Variants in MGAT4C observed in about 807,000 individuals in gnomAD.
MGAT4C encodes the protein MGAT4 family member C.
MGAT4C carries 19 observed loss-of-function variants against 40.1 expected under a neutral mutation model. The observed-to-expected ratio is 0.47, with a 90% CI of 0.33 to 0.70. The LOEUF is 0.70. Ranked by LOEUF, MGAT4C falls within the 30% of genes least tolerant of loss-of-function variation. The pLI is 0.02. For missense variants in MGAT4C, 491 were observed against 563.2 expected (o/e 0.87, Z 1.30); for synonymous variants, 181 against 187.1 (o/e 0.97, Z 0.27).
chr12:86,596,652 T>C (rs924326433), intron 2 of MGAT4C, among the ~76,000 whole-genome samples: 3 of 152,194 alleles, frequency 2.0e-5, no homozygotes, highest in African/African-American at 7.2e-5. Context: ...GAATGTTTAA[T>C]TGGCTGTAAG....
At chr12:86,825,410 A>T (rs1952786575) in intron 1 of MGAT4C, among the ~76,000 whole-genome samples, 1 of 151,348 alleles carries the variant, frequency 6.6e-6, no homozygotes, top group Non-Finnish European at 1.5e-5. Context: ...ATGTGCAGAG[A>T]TATAGACAAT....
At chr12:86,643,866 A>G (rs1963460540) in intron 2 of MGAT4C, among the ~76,000 whole-genome samples, 1 of 151,708 alleles carries the variant, frequency 6.6e-6, no homozygotes, top group South Asian at 2.1e-4. Flanking sequence ...TGATTATTGT[A>G]AAACTTTTAT....
rs113550910 is a variant in MGAT4C at position 86,808,697 on chromosome 12, T to C, written c.-262+29969A>G. Among the ~76,000 whole-genome samples the C allele has an allele frequency of 1.6e-3, 249 of 152,126 alleles. 1 individual carries two copies. Among genetic ancestry groups the C allele is most frequent in the African/African-American group, 5.9e-3 (243 of 41,532 alleles). On this transcript the variant is annotated intron_variant, in intron 1 of 7. Transcript: ENST00000548651. Reference sequence around the variant, plus strand: ...ACTGAATAGGCAAAAACTGGAAGCATTCCTCCTGAAAACTAGCAATAGACA... The same window carrying C: ...ACTGAATAGGCAAAAACTGGAAGCACTCCTCCTGAAAACTAGCAATAGACA...
chr12:86,486,692 A>T (rs922951954), intron 2 of MGAT4C, among the ~76,000 whole-genome samples: 2 of 152,326 alleles, frequency 1.3e-5, no homozygotes, highest in Non-Finnish European at 2.9e-5. Flanking sequence ...TAACAAAAAA[A>T]TTCTGGACTT....
rs1950490079 is a variant in MGAT4C, at chr12:86,707,876, G to A, written c.-229+19333C>T. Among the ~76,000 whole-genome samples, 4 of 152,236 alleles carry A rather than the reference G, an allele frequency of 2.6e-5. 1 individual carries two copies. In the South Asian group the frequency reaches 6.2e-4, roughly 24 times the overall value. ...CAGCAAAACATTCAAGATGTGACTT[G>A]GGTGCTGATAAATGCTTTCAGTTTT... is the stretch of plus-strand genomic sequence containing the variant. On this transcript the variant is annotated intron_variant, in intron 2 of 7. Transcript: ENST00000548651.
intron 1 of MGAT4C, among the ~76,000 whole-genome samples, chr12:86,228,354 A>T (rs1951179960): frequency 1.3e-5 from 2 of 152,064 alleles, no homozygotes; most frequent in African/African-American, 2.4e-5. Context: ...TCTATAGATA[A>T]TTTTAATTCA....
At chr12:86,376,953 ACTTTATT>A (rs1265939702) in intron 3 of MGAT4C, among the ~76,000 whole-genome samples, 1 of 151,548 alleles carries the variant, frequency 6.6e-6, no homozygotes, top group Non-Finnish European at 1.5e-5. Flanking sequence ...GAATTAATGT[ACTTTATT>A]CTTCTCTTCA....
At chr12:86,729,192 T>C (rs1405837750) in intron 1 of MGAT4C, among the ~76,000 whole-genome samples, 2 of 152,144 alleles carry the variant, frequency 1.3e-5, no homozygotes, top group Non-Finnish European at 2.9e-5. Context: ...TAATTGTACA[T>C]TTAAAATAAG....
At chr12:86,108,777 G>C (rs766288418) in intron 1 of MGAT4C, among the ~76,000 whole-genome samples, 49 of 152,240 alleles carry the variant, frequency 3.2e-4, no homozygotes, top group Non-Finnish European at 6.5e-4. Flanking sequence ...CCACCATCAT[G>C]AATATTTATA....
intron 2 of MGAT4C, among the ~76,000 whole-genome samples, chr12:86,446,469 GT>G (rs1957335649): frequency 1.3e-5 from 2 of 151,244 alleles, no homozygotes; most frequent in African/African-American, 4.8e-5. Flanking sequence ...GCAACCAGCT[GT>G]TTTTGTGATT....
chr12:86,808,621 A>G (rs1184768693), intron 1 of MGAT4C, among the ~76,000 whole-genome samples: 1 of 152,008 alleles, frequency 6.6e-6, no homozygotes, highest in Non-Finnish European at 1.5e-5. Context: ...GTATTTAAGA[A>G]ACATACCTCA....
intron 1 of MGAT4C, among the ~76,000 whole-genome samples, chr12:86,781,483 A>T (rs1387738320): frequency 1.3e-5 from 2 of 152,224 alleles, no homozygotes; most frequent in Non-Finnish European, 2.9e-5. Flanking sequence ...TTTTAACTAC[A>T]TTATGGTAAT....
At chr12:86,086,375 C>T (rs536801599) in intron 1 of MGAT4C, among the ~76,000 whole-genome samples, 105 of 151,722 alleles carry the variant, frequency 6.9e-4, no homozygotes, top group South Asian at 2.7e-3. Flanking sequence ...CATCACACAC[C>T]GGGGCCTTTT....
At chr12:86,408,843 G>A (rs78100520) in intron 3 of MGAT4C, among the ~76,000 whole-genome samples, 475 of 151,894 alleles carry the variant, frequency 3.1e-3, no homozygotes, top group African/African-American at 0.011. Flanking sequence ...CTATTCCCTT[G>A]TTCATTTTTA....
intron 3 of MGAT4C, among the ~76,000 whole-genome samples, chr12:86,429,675 G>A (rs1956995884): frequency 6.6e-6 from 1 of 151,892 alleles, no homozygotes; most frequent in Non-Finnish European, 1.5e-5. Context: ...TTCATATATG[G>A]TGTGTTTCTT....
In MGAT4C at chr12:86,560,050, G is replaced by C. The variant is rs1959792699; in HGVS notation, c.-228-124785C>G. Among the ~76,000 whole-genome samples the C allele has an allele frequency of 1.3e-5, 2 of 151,796 alleles. 1 individual carries two copies. Among genetic ancestry groups the C allele is most frequent in the Non-Finnish European group, 2.9e-5 (2 of 67,888 alleles). On this transcript the variant is annotated intron_variant, in intron 2 of 7. Coordinates refer to the MGAT4C transcript ENST00000548651. Reference sequence around the variant, plus strand: ...ACTAACAAATGGGAAGACCAAAAGAGAAAATGGACAAGTTGCTGGACACAT... The same window carrying C: ...ACTAACAAATGGGAAGACCAAAAGACAAAATGGACAAGTTGCTGGACACAT...
In MGAT4C at chr12:86,251,296, C is replaced by G. The variant is rs12298208; in HGVS notation, c.-57+4943G>C. 7.7e-3 allele frequency among the ~76,000 whole-genome samples: 1,167 copies of G among 151,982 alleles called. 21 individuals are homozygous for G. The highest frequency in any genetic ancestry group is 0.027 in the African/African-American group (1,118 of 41,472). On this transcript the variant is annotated intron_variant, in intron 1 of 4. Coordinates refer to ENST00000611864, the MANE Select transcript of MGAT4C (RefSeq NM_001351288.2). The stretch of plus-strand genomic sequence containing the variant: ...TTTTAGATTAAAACATACCTGAGAA[C>G]TTAGAGACACACAGAAGCACAAGAA...
intron 1 of MGAT4C, among the ~76,000 whole-genome samples, chr12:86,807,986 A>G (rs914870908): frequency 2.0e-5 from 3 of 146,538 alleles, no homozygotes; most frequent in African/African-American, 2.5e-5. Context: ...TTTTCTTATA[A>G]ATTTGTTTAA....
intron 2 of MGAT4C, among the ~76,000 whole-genome samples, chr12:86,508,182 A>C (rs1030628666): frequency 3.9e-5 from 6 of 152,036 alleles, no homozygotes; most frequent in Admixed American, 2.6e-4. Flanking sequence ...AGCATTAGGT[A>C]TATCTCCTAA....
Sources: gnomAD v4.1 joint callset for allele counts (sites outside exome capture counted in the v4.1 genomes callset) on GRCh38, gnomAD v4.1.1 for gene constraint, MANE v1.5 for transcripts, NCBI Gene and HGNC (gene_info 2026-07-23, HGNC 2026-07-21) for gene names.